The following KCNMB2 variants were observed in gnomAD, a reference collection of about 807,000 sequenced individuals.
The protein encoded by KCNMB2 is potassium calcium-activated channel subfamily M regulatory beta subunit 2.
A neutral mutation model predicts 24.5 loss-of-function variants in KCNMB2; 9 were observed. The observed-to-expected ratio is 0.37, with a 90% CI of 0.22 to 0.64. KCNMB2 has a LOEUF of 0.64. Among genes scored for constraint, KCNMB2 ranks in the 30% least tolerant of loss-of-function variants. The probability of loss-of-function intolerance (pLI) is 0.63; values close to 1 mark genes in which losing one functional copy is unlikely to be tolerated. For missense variants in KCNMB2, 226 were observed against 284.3 expected, an observed-to-expected ratio of 0.79 and a Z score of 1.47; for synonymous variants, 109 against 104.4, an observed-to-expected ratio of 1.04 and a Z score of -0.27.
At chr3:178,647,738 A>G (rs1442948606) in intron 1 of KCNMB2, among the ~76,000 whole-genome samples, 1 of 152,160 alleles carries the variant, frequency 6.6e-6, no homozygotes, top group Non-Finnish European at 1.5e-5. Flanking sequence ...CTGAAAATCC[A>G]TCATGGTCCA....
chr3:178,617,617 C>T (rs891689210), intron 1 of KCNMB2, among the ~76,000 whole-genome samples: 5 of 144,714 alleles, frequency 3.5e-5, no homozygotes, highest in Non-Finnish European at 6.1e-5. Flanking sequence ...CAGCGAGGCG[C>T]GGTGGCTCAT....
At chr3:178,632,842 G>A (rs1719370159) in intron 1 of KCNMB2, among the ~76,000 whole-genome samples, 6 of 152,134 alleles carry the variant, frequency 3.9e-5, no homozygotes, top group Admixed American at 3.9e-4. Context: ...CTGCCTATGA[G>A]CCTGTAAAAT....
intron 1 of KCNMB2, among the ~76,000 whole-genome samples, chr3:178,681,288 C>T (rs1196318551): frequency 2.6e-5 from 4 of 152,086 alleles, no homozygotes; most frequent in Non-Finnish European, 5.9e-5. Context: ...ACCAACTTTA[C>T]AGGATTGTTG....
At chr3:178,565,350 A>G (rs915921016) in intron 1 of KCNMB2, among the ~76,000 whole-genome samples, 2 of 152,264 alleles carry the variant, frequency 1.3e-5, no homozygotes, top group Non-Finnish European at 1.5e-5. Context: ...TTCCTGCTTC[A>G]GTATTGACTT....
chr3:178,664,204 T>C (rs2108574044), intron 1 of KCNMB2, among the ~76,000 whole-genome samples: 1 of 152,194 alleles, frequency 6.6e-6, no homozygotes, highest in East Asian at 1.9e-4. Context: ...CTGTAAATTG[T>C]AAATGTCCAC....
chr3:178,766,362 T>C (rs186659126), intron 1 of KCNMB2, among the ~76,000 whole-genome samples: 14 of 152,186 alleles, frequency 9.2e-5, no homozygotes, highest in Non-Finnish European at 5.9e-5. Flanking sequence ...CCTGGTTATT[T>C]TTTTATTTTT....
chr3:178,746,758 G>A (rs1441108837), intron 1 of KCNMB2, among the ~76,000 whole-genome samples: 1 of 152,116 alleles, frequency 6.6e-6, no homozygotes, highest in Non-Finnish European at 1.5e-5. Flanking sequence ...AGATCTCTAG[G>A]GCAGGGGCAA....
chr3:178,650,522 C>T (rs189871051), intron 1 of KCNMB2, among the ~76,000 whole-genome samples: 6 of 152,062 alleles, frequency 3.9e-5, no homozygotes, highest in Admixed American at 3.3e-4. Context: ...CTGGGTACTC[C>T]TTCTGAACTA....
intron 1 of KCNMB2, among the ~76,000 whole-genome samples, chr3:178,752,093 A>C (rs369658834): frequency 6.6e-6 from 1 of 152,226 alleles, no homozygotes; most frequent in East Asian, 1.9e-4. Flanking sequence ...AAAGCTAAAA[A>C]TATATGACAA....
intron 1 of KCNMB2, among the ~76,000 whole-genome samples, chr3:178,650,663 A>C (rs1234426900): frequency 6.6e-6 from 1 of 152,150 alleles, no homozygotes; most frequent in Non-Finnish European, 1.5e-5. Context: ...ATCCTCAATA[A>C]AATACTGGCA....
intron 1 of KCNMB2, among the ~76,000 whole-genome samples, chr3:178,627,209 AATTTCATTCATGATTGGCCTT>A (rs1719152981): frequency 1.3e-5 from 2 of 152,194 alleles, no homozygotes; most frequent in Non-Finnish European, 2.9e-5. Flanking sequence ...GAAATTCTTT[AATTTCATTCATGATTGGCCTT>A]ACATTTTGGT....
intron 1 of KCNMB2, among the ~76,000 whole-genome samples, chr3:178,573,840 A>G (rs1272606294): frequency 1.3e-5 from 2 of 151,844 alleles, no homozygotes. Flanking sequence ...TGCTTTCTAC[A>G]CGTTTAGTGT....
chr3:178,772,164 A>C (rs1712396944), intron 1 of KCNMB2, among the ~76,000 whole-genome samples: 1 of 152,150 alleles, frequency 6.6e-6, no homozygotes. Flanking sequence ...AGCCAACATG[A>C]TATATATACA....
intron 1 of KCNMB2, among the ~76,000 whole-genome samples, chr3:178,767,004 T>C (rs1198261865): frequency 2.0e-5 from 3 of 152,160 alleles, no homozygotes; most frequent in Non-Finnish European, 4.4e-5. Context: ...CATTTGGAAA[T>C]GTCTGGACAT....
At chr3:178,831,261 T>C (rs1332372701) in intron 4 of KCNMB2, among the ~76,000 whole-genome samples, 1 of 152,076 alleles carries the variant, frequency 6.6e-6, no homozygotes, top group Non-Finnish European at 1.5e-5. Flanking sequence ...AGTCAAAAAA[T>C]AACAGATAAT....
chr3:178,586,563 T>TTA, intron 1 of KCNMB2, among the ~76,000 whole-genome samples: 1 of 143,856 alleles, frequency 7.0e-6, no homozygotes, highest in African/African-American at 2.6e-5. Flanking sequence ...TTTTTTTTTT[T>TTA]GAGACAGCGT....
chr3:178,790,505 G>C (rs2108439734), intron 1 of KCNMB2, among the ~76,000 whole-genome samples: 1 of 152,238 alleles, frequency 6.6e-6, no homozygotes, highest in Non-Finnish European at 1.5e-5. Context: ...GGCATTTCTG[G>C]ACTCATCCTG....
intron 2 of KCNMB2, among the ~76,000 whole-genome samples, chr3:178,811,671 T>C (rs1238147327): frequency 6.6e-6 from 1 of 152,238 alleles, no homozygotes; most frequent in East Asian, 1.9e-4. Flanking sequence ...AATGATGCTA[T>C]TCTTCTACAT....
At chr3:178,624,761 G>A (rs965674133) in intron 1 of KCNMB2, among the ~76,000 whole-genome samples, 1 of 151,758 alleles carries the variant, frequency 6.6e-6, no homozygotes, top group Non-Finnish European at 1.5e-5. Flanking sequence ...TCCTGGGTGG[G>A]AAGGGTGTTG....
Sources: allele counts gnomAD v4.1 joint callset (sites outside exome capture counted in the v4.1 genomes callset), GRCh38; gene constraint gnomAD v4.1.1; transcripts MANE v1.5; gene names NCBI Gene and HGNC (gene_info 2026-07-23, HGNC 2026-07-21).